Variants in OSBPL8 observed in about 807,000 individuals in gnomAD.
OSBPL8 encodes oxysterol-binding protein-related protein 8.
Under a neutral mutation model 125.5 loss-of-function variants are expected in OSBPL8, and 59 were observed. The ratio of observed to expected loss-of-function variants is 0.47; its 90% confidence interval spans 0.38 to 0.58. The LOEUF (loss-of-function observed/expected upper bound fraction) is 0.58. OSBPL8 is among the 20% of genes least tolerant of loss of function. The pLI is 0.00. For synonymous variants in OSBPL8, 330 were observed against 338.9 expected, an observed-to-expected ratio of 0.97 and a Z score of 0.29; for missense variants, 758 against 1,047.8, an observed-to-expected ratio of 0.72 and a Z score of 3.82.
intron 1 of OSBPL8, among the ~76,000 whole-genome samples, chr12:76,510,902 A>G (rs111456855): frequency 0.17 from 25,998 of 150,178 alleles, 2,454 homozygotes; most frequent in Middle Eastern, 0.24. Flanking sequence ...AAAAAAATAT[A>G]TTTACCTCTT....
rs374520329 is a variant in OSBPL8, at chr12:76,375,940, T to C, written c.1730-570A>G. ...TTAAAAGCTACGTTTAGGCTTTAGT[T>C]CTGTTGGCTGTTAGTTCAATGTTAA... On this transcript the variant is annotated intron_variant, in intron 16 of 23. Coordinates refer to ENST00000261183, the MANE Select transcript of OSBPL8 (RefSeq NM_020841.5). Among the ~76,000 whole-genome samples the C allele has an allele frequency of 2.7e-4, 41 of 152,290 alleles. No individual in the cohort carries two copies. In the East Asian group the frequency reaches 5.8e-3, roughly 22 times the overall value.
chr12:76,507,721 G>T (rs1458447296), intron 1 of OSBPL8, among the ~76,000 whole-genome samples: 2 of 151,586 alleles, frequency 1.3e-5, no homozygotes, highest in Non-Finnish European at 2.9e-5. Context: ...TACTCAGGAG[G>T]CTGAGGCAGG....
chr12:76,520,717 T>C (rs1470644657), intron 1 of OSBPL8, among the ~76,000 whole-genome samples: 2 of 151,814 alleles, frequency 1.3e-5, no homozygotes, highest in African/African-American at 4.8e-5. Flanking sequence ...TCAGAGATAA[T>C]GAGATGATGG....
chr12:76,414,074 T>C (rs1450521303), intron 4 of OSBPL8, among the ~76,000 whole-genome samples: 1 of 152,214 alleles, frequency 6.6e-6, no homozygotes, highest in Non-Finnish European at 1.5e-5. Context: ...CCACCTGGAA[T>C]TGACATTTGA....
At chr12:76,477,933 G>A (rs1309295634) in intron 2 of OSBPL8, among the ~76,000 whole-genome samples, 1 of 151,996 alleles carries the variant, frequency 6.6e-6, no homozygotes, top group East Asian at 1.9e-4. Context: ...GCCGGGCATG[G>A]TGGCTCACAC....
chr12:76,440,164 T>C (rs1039788222), intron 4 of OSBPL8, among the ~76,000 whole-genome samples: 2 of 152,128 alleles, frequency 1.3e-5, no homozygotes, highest in South Asian at 2.1e-4. Flanking sequence ...CTCAGCTTTA[T>C]CTCTTTTAAA....
intron 2 of OSBPL8, among the ~76,000 whole-genome samples, chr12:76,467,711 C>CACAGAAATAATGATTT (rs1342451236): frequency 6.6e-6 from 1 of 151,874 alleles, no homozygotes; most frequent in African/African-American, 2.4e-5. Context: ...CCCACATCAC[C>CACAGAAATAATGATTT]TCATGTGTCA....
rs766702521 is a variant in OSBPL8 at position 76,408,411 on chromosome 12, G to A, written c.288+2153C>T. On this transcript the variant is annotated intron_variant, in intron 5 of 23. Transcript: ENST00000261183. ...CAGGAGGCAGAGCTTGCAGTGAGCCGAGATCGCACCACTGTACTCCAGTCT... is the reference window on the plus strand; with the variant it reads ...CAGGAGGCAGAGCTTGCAGTGAGCCAAGATCGCACCACTGTACTCCAGTCT... 2.1e-5 allele frequency among the ~76,000 whole-genome samples: 3 copies of A among 143,180 alleles called. No individual in the cohort carries two copies. The East Asian group carries it at 6.2e-4, about 29-fold the overall frequency. 93.9% of individuals were successfully genotyped at this position (143,180 alleles called of 152,430 possible). A position where few individuals can be genotyped will look rare whatever the true frequency, so the allele number is the denominator to read the frequency against.
chr12:76,510,893 A>ATAT (rs570755652), intron 1 of OSBPL8, among the ~76,000 whole-genome samples: 49 of 103,622 alleles, frequency 4.7e-4, no homozygotes, highest in Non-Finnish European at 7.7e-4. Flanking sequence ...AAAAAAAAAA[A>ATAT]AAAAATATAT....
rs939939780 is a variant in OSBPL8, at chr12:76,480,531, G to A, written c.42+6979C>T. 5.9e-5 allele frequency among the ~76,000 whole-genome samples: 9 copies of A among 152,178 alleles called. No homozygotes were observed. In the South Asian group the frequency reaches 1.9e-3, roughly 31 times the overall value. ...TGTATGATTAATACAAACTGTTAGAGTTAGCAAGCAGCTGTTGGGAAGATG... is the reference window on the plus strand; with the variant it reads ...TGTATGATTAATACAAACTGTTAGAATTAGCAAGCAGCTGTTGGGAAGATG... On this transcript the variant is annotated intron_variant, in intron 2 of 23. Coordinates refer to ENST00000261183, the MANE Select transcript of OSBPL8 (RefSeq NM_020841.5).
intron 3 of OSBPL8, 107 bp downstream of exon 3, chr12:76,459,752 A>G (rs998373539): frequency 3.1e-6 from 4 of 1,291,254 alleles, no homozygotes; most frequent in Non-Finnish European, 4.4e-6. Context: ...AAAGAAAAGT[A>G]GAACACTTAA....
At chr12:76,471,435 C>G (rs568942621) in intron 2 of OSBPL8, among the ~76,000 whole-genome samples, 5 of 152,300 alleles carry the variant, frequency 3.3e-5, no homozygotes, top group Admixed American at 1.3e-4. Flanking sequence ...TTTTCCTCAT[C>G]TATATTCTCC....
chr12:76,461,942 A>C (rs1874795551), intron 2 of OSBPL8, among the ~76,000 whole-genome samples: 1 of 152,232 alleles, frequency 6.6e-6, no homozygotes, highest in Admixed American at 6.5e-5. Context: ...AACACTGGAA[A>C]ACTGGAAAAA....
At chr12:76,450,552 A>G (rs553730458) in intron 4 of OSBPL8, among the ~76,000 whole-genome samples, 1 of 152,194 alleles carries the variant, frequency 6.6e-6, no homozygotes, top group East Asian at 1.9e-4. Flanking sequence ...ACAGTCTTCA[A>G]TAATTTTTAA....
chr12:76,451,197 C>T (rs1032082447), intron 3 of OSBPL8, among the ~76,000 whole-genome samples: 26 of 152,006 alleles, frequency 1.7e-4, no homozygotes, highest in African/African-American at 6.0e-4. Flanking sequence ...ATGTTTGAGT[C>T]AAATATACAA....
chr12:76,549,653 G>A (rs900000256), intron 1 of OSBPL8, among the ~76,000 whole-genome samples: 25 of 151,948 alleles, frequency 1.6e-4, no homozygotes, highest in Non-Finnish European at 2.8e-4. Context: ...CACCCGCCTC[G>A]GCCTCCCAAA....
Position 76,414,820 on chromosome 12 carries a change from G to A in OSBPL8, c.218-4186C>T, listed in dbSNP as rs138614286. Among the ~76,000 whole-genome samples, 11 of 152,148 alleles carry A rather than the reference G, an allele frequency of 7.2e-5. 1 individual carries two copies. In the East Asian group the frequency reaches 7.7e-4, roughly 11 times the overall value. Reference sequence around the variant, plus strand: ...CTAGTTTTCTAAGAGTTAACAAAACGAAATTTGGATTTCATCAAAACTTTT... The same window carrying A: ...CTAGTTTTCTAAGAGTTAACAAAACAAAATTTGGATTTCATCAAAACTTTT... On this transcript the variant is annotated intron_variant, in intron 4 of 23. Transcript: ENST00000261183.
chr12:76,402,664 C>T (rs1954098759), intron 6 of OSBPL8, 25 bp downstream of exon 6: 4 of 1,524,992 alleles, frequency 2.6e-6, no homozygotes, highest in South Asian at 2.3e-5. Context: ...TGTAAATTAC[C>T]TTTCAGAAAC....
intron 1 of OSBPL8, among the ~76,000 whole-genome samples, chr12:76,536,239 C>T (rs1439767842): frequency 6.6e-6 from 1 of 151,972 alleles, no homozygotes; most frequent in African/African-American, 2.4e-5. Context: ...GTAATCCTAG[C>T]GCTTTGGGAA....
Sources: gnomAD v4.1 joint callset for allele counts (sites outside exome capture counted in the v4.1 genomes callset) on GRCh38, gnomAD v4.1.1 for gene constraint, MANE v1.5 for transcripts, NCBI Gene and HGNC (gene_info 2026-07-23, HGNC 2026-07-21) for gene names.